Variants in RBFOX1 observed in about 807,000 individuals in gnomAD.
RBFOX1 encodes the protein RNA binding fox-1 homolog 1.
A neutral mutation model predicts 57.7 loss-of-function variants in RBFOX1; 8 were observed. That is an observed-to-expected ratio of 0.14 (90% CI 0.08 to 0.25). The LOEUF is 0.25. RBFOX1 is among the 10% of genes least tolerant of loss of function. RBFOX1 has a pLI of 1.00. For synonymous variants in RBFOX1, 326 were observed against 222.4 expected, an observed-to-expected ratio of 1.47 and a Z score of -4.15; for missense variants, 611 against 548.5, an observed-to-expected ratio of 1.11 and a Z score of -1.14.
chr16:6,197,753 C>T lies in RBFOX1; in HGVS notation c.-126-119242C>T, dbSNP rs764792141. 8.6e-5 allele frequency among the ~76,000 whole-genome samples: 13 copies of T among 151,840 alleles called. No homozygotes were observed. In the East Asian group the frequency reaches 9.7e-4, roughly 11 times the overall value. Reference sequence around the variant, plus strand: ...TATTGCGTCACCCAGGTATTAAGCCCGGTATCCAATAATTATTTTTTTCTG... The same window carrying T: ...TATTGCGTCACCCAGGTATTAAGCCTGGTATCCAATAATTATTTTTTTCTG... On this transcript the variant is annotated intron_variant, in intron 1 of 15. Transcript: ENST00000550418.
At chr16:6,620,420 C>G (rs189335311) in intron 2 of RBFOX1, among the ~76,000 whole-genome samples, 1 of 152,080 alleles carries the variant, frequency 6.6e-6, no homozygotes, top group African/African-American at 2.4e-5. Context: ...AACAAGTTAA[C>G]AACACAATTA....
At chr16:6,478,429 A>ATATATT (rs1159954387) in intron 2 of RBFOX1, among the ~76,000 whole-genome samples, 12 of 24,612 alleles carry the variant, frequency 4.9e-4, no homozygotes, top group Non-Finnish European at 7.8e-4. Flanking sequence ...ATATATATAT[A>ATATATT]TTTTTTTTTT....
At chr16:6,057,751 A>G (rs1047302097) in intron 1 of RBFOX1, among the ~76,000 whole-genome samples, 4 of 148,178 alleles carry the variant, frequency 2.7e-5, no homozygotes, top group African/African-American at 1.0e-4. Flanking sequence ...TGGAGGGGAA[A>G]TTTCTTGCAA....
intron 4 of RBFOX1, among the ~76,000 whole-genome samples, chr16:7,252,560 C>T (rs1306425531): frequency 6.6e-6 from 1 of 152,210 alleles, no homozygotes; most frequent in African/African-American, 2.4e-5. Flanking sequence ...GCTTGTCCAT[C>T]ATCCAATATA....
chr16:6,363,519 T>C (rs2089006483), intron 2 of RBFOX1, among the ~76,000 whole-genome samples: 1 of 152,252 alleles, frequency 6.6e-6, no homozygotes, highest in South Asian at 2.1e-4. Context: ...TCTTTGGAAT[T>C]GCCTAAATTT....
At chr16:7,486,820 C>G (rs887247483) in intron 4 of RBFOX1, among the ~76,000 whole-genome samples, 3 of 152,198 alleles carry the variant, frequency 2.0e-5, no homozygotes, top group Admixed American at 1.3e-4. Context: ...CCTGCCTCTT[C>G]CAGCATCCGT....
intron 3 of RBFOX1, among the ~76,000 whole-genome samples, chr16:6,664,048 G>A (rs539742472): frequency 4.6e-5 from 7 of 152,350 alleles, no homozygotes; most frequent in Non-Finnish European, 8.8e-5. Flanking sequence ...ATATCACCAT[G>A]AGAAATGGTC....
At chr16:5,779,104 C>T (rs537934948) in intron 3 of RBFOX1, among the ~76,000 whole-genome samples, 1 of 152,250 alleles carries the variant, frequency 6.6e-6, no homozygotes, top group Admixed American at 6.5e-5. Flanking sequence ...ATCATGAACT[C>T]AAAATATTTT....
At chr16:6,644,394 A>G (rs1298493722) in intron 2 of RBFOX1, among the ~76,000 whole-genome samples, 1 of 152,244 alleles carries the variant, frequency 6.6e-6, no homozygotes, top group Non-Finnish European at 1.5e-5. Context: ...CCGTTCTGCT[A>G]TAACATTTAT....
intron 2 of RBFOX1, among the ~76,000 whole-genome samples, chr16:6,352,708 A>G (rs1395182614): frequency 1.3e-5 from 2 of 152,216 alleles, no homozygotes; most frequent in Non-Finnish European, 2.9e-5. Flanking sequence ...TACAAAGGGC[A>G]TTTATCATAT....
intron 2 of RBFOX1, among the ~76,000 whole-genome samples, chr16:6,459,925 G>T (rs1202450029): frequency 7.1e-6 from 1 of 141,268 alleles, no homozygotes; most frequent in Non-Finnish European, 1.5e-5. Context: ...CGGAGGTTGT[G>T]GTGAGCTGAG....
intron 4 of RBFOX1, among the ~76,000 whole-genome samples, chr16:7,307,008 G>A (rs1489779346): frequency 6.6e-6 from 1 of 152,110 alleles, no homozygotes; most frequent in African/African-American, 2.4e-5. Context: ...TCAAGTGGAC[G>A]AATCAGGCAA....
chr16:6,393,775 G>A (rs1335718208), intron 2 of RBFOX1, among the ~76,000 whole-genome samples: 3 of 152,252 alleles, frequency 2.0e-5, no homozygotes, highest in South Asian at 2.1e-4. Context: ...TTATGTTAGA[G>A]GTCCAAATGT....
intron 4 of RBFOX1, among the ~76,000 whole-genome samples, chr16:7,271,107 T>C (rs1423528297): frequency 6.6e-6 from 1 of 152,192 alleles, no homozygotes; most frequent in African/African-American, 2.4e-5. Flanking sequence ...TATCACATTG[T>C]GCACATTTTT....
intron 1 of RBFOX1, among the ~76,000 whole-genome samples, chr16:5,254,553 T>C (rs1474162539): frequency 6.6e-6 from 1 of 152,246 alleles, no homozygotes; most frequent in East Asian, 1.9e-4. Flanking sequence ...GCTTCAGTTA[T>C]GCAAAATTAA....
At chr16:5,766,307 C>T (rs1194206814) in intron 3 of RBFOX1, among the ~76,000 whole-genome samples, 2 of 152,136 alleles carry the variant, frequency 1.3e-5, no homozygotes, top group African/African-American at 4.8e-5. Context: ...CAGATCTGGG[C>T]TGGGCACGGT....
At chr16:7,157,852 G>A (rs1450711927) in intron 4 of RBFOX1, among the ~76,000 whole-genome samples, 1 of 152,188 alleles carries the variant, frequency 6.6e-6, no homozygotes, top group Admixed American at 6.5e-5. Flanking sequence ...GTCTACTTCA[G>A]GGAGGACAAA....
intron 1 of RBFOX1, chr16:5,366,621 G>C: frequency 2.4e-6 from 1 of 409,272 alleles, no homozygotes; most frequent in East Asian, 6.6e-5. Context: ...TCAATTATGT[G>C]AAGAATTGCT....
At chr16:6,496,055 G>A (rs777916292) in intron 2 of RBFOX1, among the ~76,000 whole-genome samples, 24 of 152,194 alleles carry the variant, frequency 1.6e-4, no homozygotes, top group Non-Finnish European at 2.9e-4. Context: ...ACAAGCGTAT[G>A]TTTATGGAAA....
Sources: allele counts gnomAD v4.1 joint callset (sites outside exome capture counted in the v4.1 genomes callset), GRCh38; gene constraint gnomAD v4.1.1; transcripts MANE v1.5; gene names NCBI Gene and HGNC (gene_info 2026-07-23, HGNC 2026-07-21).